Variants in ACSS3 observed in about 807,000 individuals in gnomAD.
ACSS3 encodes acyl-CoA synthetase short-chain family member 3, mitochondrial.
A neutral mutation model predicts 84.2 loss-of-function variants in ACSS3; 64 were observed. The observed-to-expected ratio is 0.76, with a 90% CI of 0.62 to 0.94. The LOEUF is 0.94. Ranked by LOEUF, ACSS3 falls within the 40% of genes least tolerant of loss-of-function variation. The pLI is 0.00. For missense variants in ACSS3, 815 were observed against 867.6 expected (o/e 0.94, Z 0.76); for synonymous variants, 317 against 310.1 (o/e 1.02, Z -0.23).
At chr12:81,251,335 G>T (rs1466323192) in intron 13 of ACSS3, among the ~76,000 whole-genome samples, 1 of 152,108 alleles carries the variant, frequency 6.6e-6, no homozygotes, top group East Asian at 1.9e-4. Flanking sequence ...ACTCAGGCAT[G>T]TACAGAGTAG....
At chr12:81,183,171 G>C (rs2031048418) in intron 8 of ACSS3, among the ~76,000 whole-genome samples, 1 of 152,200 alleles carries the variant, frequency 6.6e-6, no homozygotes, top group Non-Finnish European at 1.5e-5. Flanking sequence ...TGTTAGCACA[G>C]ACAATTAAAA....
intron 1 of ACSS3, among the ~76,000 whole-genome samples, chr12:81,107,167 G>A (rs1424290627): frequency 6.6e-6 from 1 of 152,002 alleles, no homozygotes; most frequent in South Asian, 2.1e-4. Flanking sequence ...ATCATCTAGG[G>A]AGAAACTGTA....
At chr12:81,254,556 A>C (rs1410275254) in intron 15 of ACSS3, among the ~76,000 whole-genome samples, 2 of 152,154 alleles carry the variant, frequency 1.3e-5, no homozygotes, top group African/African-American at 4.8e-5. Flanking sequence ...TATGTGAACA[A>C]GTGACAAAAA....
At chr12:81,127,490 A>T (rs1388024699) in intron 2 of ACSS3, among the ~76,000 whole-genome samples, 1 of 152,208 alleles carries the variant, frequency 6.6e-6, no homozygotes, top group Non-Finnish European at 1.5e-5. Flanking sequence ...TGTATGATTA[A>T]TATGTTTAAA....
intron 15 of ACSS3, 39 bp from the exon 16 acceptor site, chr12:81,254,818 C>T: frequency 6.8e-7 from 1 of 1,463,716 alleles, no homozygotes; most frequent in Non-Finnish European, 9.4e-7. Context: ...AGAAGAAATT[C>T]AAGGAAGAGT....
At chr12:81,127,487 T>C (rs148564629) in intron 2 of ACSS3, among the ~76,000 whole-genome samples, 8 of 152,306 alleles carry the variant, frequency 5.3e-5, no homozygotes, top group Non-Finnish European at 1.2e-4. Flanking sequence ...ATGTGTATGA[T>C]TAATATGTTT....
chr12:81,149,477 C>T (rs1340276750), intron 5 of ACSS3, among the ~76,000 whole-genome samples: 2 of 152,104 alleles, frequency 1.3e-5, no homozygotes, highest in Non-Finnish European at 2.9e-5. Context: ...TCTTACAAAA[C>T]GTGAACCTGG....
At chr12:81,249,207 C>T (rs2034080337) in intron 13 of ACSS3, among the ~76,000 whole-genome samples, 1 of 152,056 alleles carries the variant, frequency 6.6e-6, no homozygotes, top group Admixed American at 6.6e-5. Context: ...TAGTTCTGCA[C>T]TTGTAAGCTA....
intron 3 of ACSS3, among the ~76,000 whole-genome samples, chr12:81,138,034 C>A (rs1224667350): frequency 6.6e-6 from 1 of 151,886 alleles, no homozygotes; most frequent in African/African-American, 2.4e-5. Context: ...AAATTATATT[C>A]AAAAAGCAGG....
chr12:81,189,268 G>C (rs149486667), intron 8 of ACSS3, among the ~76,000 whole-genome samples: 3 of 152,220 alleles, frequency 2.0e-5, no homozygotes, highest in African/African-American at 7.2e-5. Context: ...TTACATTACA[G>C]AGTATGTCAA....
chr12:81,125,058 C>A (rs569486822), intron 2 of ACSS3, among the ~76,000 whole-genome samples: 1 of 152,104 alleles, frequency 6.6e-6, no homozygotes, highest in African/African-American at 2.4e-5. Flanking sequence ...ACTAAAAATA[C>A]AAAAAATTAG....
chr12:81,089,911 T>C (rs968767298), intron 1 of ACSS3, among the ~76,000 whole-genome samples: 1 of 152,034 alleles, frequency 6.6e-6, no homozygotes, highest in Non-Finnish European at 1.5e-5. Flanking sequence ...TTGTCCGAAG[T>C]TATACAGTGG....
At chr12:81,223,458 T>C (rs531890498) in intron 11 of ACSS3, among the ~76,000 whole-genome samples, 1 of 152,176 alleles carries the variant, frequency 6.6e-6, no homozygotes, top group South Asian at 2.1e-4. Flanking sequence ...CCTTTGAGTA[T>C]AACTAAGCAT....
intron 2 of ACSS3, among the ~76,000 whole-genome samples, chr12:81,132,769 A>G (rs1176457195): frequency 6.6e-6 from 1 of 152,050 alleles, no homozygotes; most frequent in East Asian, 1.9e-4. Flanking sequence ...GCCTTGGTTG[A>G]ATGTCATTTT....
At chr12:81,147,292 G>C (rs964333907) in intron 5 of ACSS3, among the ~76,000 whole-genome samples, 4 of 152,162 alleles carry the variant, frequency 2.6e-5, no homozygotes, top group African/African-American at 9.7e-5. Context: ...AAGTGTCAAG[G>C]GTTTCTCCTG....
chr12:81,189,045 C>G (rs546164195), intron 8 of ACSS3, among the ~76,000 whole-genome samples: 15 of 152,150 alleles, frequency 9.9e-5, no homozygotes, highest in Middle Eastern at 3.4e-3. Context: ...ATATTGTAGC[C>G]TTTGGCCAAT....
Position 81,149,604 on chromosome 12 carries a change from T to A in ACSS3, c.922-2240T>A, listed in dbSNP as rs554141509. Among the ~76,000 whole-genome samples, 5 of 152,270 alleles carry A rather than the reference T, an allele frequency of 3.3e-5. No homozygotes were observed. The East Asian group carries it at 7.7e-4, about 24-fold the overall frequency. On this transcript the variant is annotated intron_variant, in intron 5 of 15. Transcript: ENST00000548058. Reference sequence around the variant, plus strand: ...CAAATTGCAGATCTAGAGTCTAGATTAATAAATGGTAAAAAGATGCTTGAT... The same window carrying A: ...CAAATTGCAGATCTAGAGTCTAGATAAATAAATGGTAAAAAGATGCTTGAT...
At chr12:81,178,276 G>A (rs1282377521) in intron 8 of ACSS3, among the ~76,000 whole-genome samples, 10 of 147,308 alleles carry the variant, frequency 6.8e-5, no homozygotes, top group South Asian at 2.3e-4. Flanking sequence ...AGAACACATG[G>A]ACACAGGAAG....
chr12:81,162,314 C>T (rs1164381971), intron 7 of ACSS3, among the ~76,000 whole-genome samples: 1 of 152,182 alleles, frequency 6.6e-6, no homozygotes, highest in Non-Finnish European at 1.5e-5. Context: ...ATCCCAATAT[C>T]TGTGCAGCTT....
Sources: gnomAD v4.1 joint callset for allele counts (sites outside exome capture counted in the v4.1 genomes callset) on GRCh38, gnomAD v4.1.1 for gene constraint, MANE v1.5 for transcripts, NCBI Gene and HGNC (gene_info 2026-07-23, HGNC 2026-07-21) for gene names.